Variants in AP1S1 observed in about 807,000 individuals in gnomAD.
AP1S1 encodes AP-1 complex subunit sigma-1A.
Under a neutral mutation model 23.9 loss-of-function variants are expected in AP1S1, and 13 were observed. The observed-to-expected ratio is 0.54, with a 90% confidence interval of 0.35 to 0.86. The LOEUF (loss-of-function observed/expected upper bound fraction) is 0.86, where lower values mean the gene tolerates loss of function less well. Ranked by LOEUF, AP1S1 falls within the 40% of genes least tolerant of loss-of-function variation. AP1S1 has a pLI of 0.01. For missense variants in AP1S1, 119 were observed against 197.6 expected (o/e 0.60, Z 2.38); for synonymous variants, 84 against 77.7 (o/e 1.08, Z -0.43).
In AP1S1 at chr7:101,161,151, G is replaced by C. The variant is rs1338833791; in HGVS notation, c.*585G>C. On this transcript the variant is annotated 3_prime_UTR_variant, in exon 5 of 5. Transcript: ENST00000337619. ...GGAAGGGCAAGCTTTATGGGACCCTGGTCCTGGCCCTGGCCTTTCACTCCA... is the reference window on the plus strand; with the variant it reads ...GGAAGGGCAAGCTTTATGGGACCCTCGTCCTGGCCCTGGCCTTTCACTCCA... The C allele has an allele frequency of 3.8e-6, 1 of 260,742 alleles. No individual in the cohort carries two copies. The highest frequency in any genetic ancestry group is 2.3e-5 in the African/African-American group (1 of 43,328). The allele number at this position is 260,742 out of a possible 1,614,324, so 16.2% of individuals were successfully genotyped here. A position where few individuals can be genotyped will look rare whatever the true frequency, so the allele number is the denominator to read the frequency against.
rs1797100538 is a variant in AP1S1 at position 101,161,164 on chromosome 7, GCC to G, written c.*599_*600del. The G allele has an allele frequency of 4.2e-6, 1 of 240,000 alleles. No individual in the cohort carries two copies. The highest frequency in any genetic ancestry group is 8.2e-6 in the Non-Finnish European group (1 of 121,580). 14.9% of individuals were successfully genotyped at this position (240,000 alleles called of 1,614,324 possible). ...TTATGGGACCCTGGTCCTGGCCCTGGCCTTTCACTCCAGTTCTGGGTGAGGCA... is the reference window on the plus strand; with the variant it reads ...TTATGGGACCCTGGTCCTGGCCCTGGTTTCACTCCAGTTCTGGGTGAGGCA... On this transcript the variant is annotated 3_prime_UTR_variant, in exon 5 of 5. Transcript: ENST00000337619.
At chr7:101,154,810 A>T (rs1456233504) in intron 1 of AP1S1, 2 of 420,890 alleles carry the variant, frequency 4.8e-6, no homozygotes, top group African/African-American at 4.3e-5. Context: ...GGGTCCCTCG[A>T]TCCCCGCTGC....
Position 101,156,777 on chromosome 7 carries a change from C to T in AP1S1, c.182+5C>T. On this transcript the variant is annotated splice_donor_5th_base_variant and intron_variant, in intron 2 of 4. Transcript: ENST00000337619. ...CCTCAAAGTTGTCTATAAGAGGTGA[C>T]TCCCCACCTACTTTCAGACCTGCCT... 6.5e-7 allele frequency: 1 copy of T among 1,538,334 alleles called. No homozygotes were observed. Among genetic ancestry groups the T allele is most frequent in the South Asian group, 1.2e-5 (1 of 81,836 alleles).
At chr7:101,155,412 C>G (rs1796977585) in intron 1 of AP1S1, among the ~76,000 whole-genome samples, 1 of 152,274 alleles carries the variant, frequency 6.6e-6, no homozygotes, top group African/African-American at 2.4e-5. Flanking sequence ...TTCTGTCTTC[C>G]ATCCCACTTG....
At chr7:101,159,405 T>G in intron 4 of AP1S1, 1 of 624,346 alleles carries the variant, frequency 1.6e-6, no homozygotes, top group South Asian at 2.2e-5. Flanking sequence ...AGCCCACCTG[T>G]GCACCCCTCA....
chr7:101,156,857 C>T (rs1796999698), intron 2 of AP1S1, 85 bp downstream of exon 2: 1 of 1,245,562 alleles, frequency 8.0e-7, no homozygotes, highest in Non-Finnish European at 1.1e-6. Context: ...TCCTGTAGGT[C>T]AGGGAGACCT....
chr7:101,159,383 A>G, intron 4 of AP1S1, 187 bp downstream of exon 4: 2 of 800,522 alleles, frequency 2.5e-6, no homozygotes, highest in Non-Finnish European at 3.8e-6. Flanking sequence ...GGTGGGAGGT[A>G]GGGTGGCAGA....
intron 4 of AP1S1, 89 bp from the exon 5 acceptor site, chr7:101,160,430 G>A (rs1328388389): frequency 1.2e-5 from 18 of 1,486,316 alleles, no homozygotes; most frequent in Admixed American, 6.8e-5. Flanking sequence ...TGCCTCCCCC[G>A]TCTGACTCTT....
intron 4 of AP1S1, 150 bp from the exon 5 acceptor site, chr7:101,160,369 C>A: frequency 1.1e-6 from 1 of 940,108 alleles, no homozygotes; most frequent in Non-Finnish European, 1.6e-6. Flanking sequence ...GAAGGGCTCA[C>A]TGGTCCGGCC....
intron 4 of AP1S1, among the ~76,000 whole-genome samples, chr7:101,159,974 ACACCCTGGCGCG>A (rs1392312538): frequency 1.5e-5 from 2 of 131,690 alleles, no homozygotes; most frequent in Admixed American, 7.9e-5. Context: ...GCACACACAC[ACACCCTGGCGCG>A]CACACACACA....
chr7:101,155,470 T>C (rs926188260), intron 1 of AP1S1, among the ~76,000 whole-genome samples: 3 of 152,102 alleles, frequency 2.0e-5, no homozygotes, highest in Non-Finnish European at 4.4e-5. Flanking sequence ...GGGAACCCCC[T>C]GGGTGGCGGG....
In AP1S1 at chr7:101,160,006, A is replaced by ACGCCCTGGCACACACACC. The variant is rs1554366329; in HGVS notation, c.430-512_430-511insGCCCTGGCACACACACCC. ...GGCGCGCACACACACACACACACAC[A>ACGCCCTGGCACACACACC]CATGCCCTGGCACACACACCCATCG... On this transcript the variant is annotated intron_variant, in intron 4 of 4. Coordinates refer to ENST00000337619, the MANE Select transcript of AP1S1 (RefSeq NM_001283.5). Among the ~76,000 whole-genome samples, 819 of 147,534 alleles carry ACGCCCTGGCACACACACC rather than the reference A, an allele frequency of 5.6e-3. 6 individuals carry two copies. The highest frequency in any genetic ancestry group is 9.0e-3 in the Non-Finnish European group (604 of 66,756).
In AP1S1 at chr7:101,160,594, G is replaced by T; in HGVS notation, c.*28G>T. 1 of 1,609,186 alleles carries T rather than the reference G, an allele frequency of 6.2e-7. No homozygotes were observed. Among genetic ancestry groups the T allele is most frequent in the Non-Finnish European group, 8.5e-7 (1 of 1,179,546 alleles). ...CCTGCTGGGCCGGGGTGTGGCGATG[G>T]GGTCCTGGCAGCGTGGCGGGAACGG... On this transcript the variant is annotated 3_prime_UTR_variant, in exon 5 of 5. Transcript: ENST00000337619.
intron 1 of AP1S1, among the ~76,000 whole-genome samples, chr7:101,155,547 TA>T (rs1255648547): frequency 1.3e-5 from 2 of 152,100 alleles, no homozygotes; most frequent in African/African-American, 4.8e-5. Flanking sequence ...GGAGGCACCC[TA>T]AAAGGAAGAA....
chr7:101,159,336 C>A, intron 4 of AP1S1, 140 bp downstream of exon 4: 1 of 1,255,596 alleles, frequency 8.0e-7, no homozygotes, highest in Non-Finnish European at 1.1e-6. Context: ...CCACCACGCC[C>A]AGCTCTCCAG....
chr7:101,154,610 C>T, intron 1 of AP1S1, 93 bp downstream of exon 1: 1 of 1,499,642 alleles, frequency 6.7e-7, no homozygotes, highest in Non-Finnish European at 8.9e-7. Context: ...GTGAACCGCC[C>T]TGTCTTCCCT....
At chr7:101,156,979 G>A (rs931750903) in intron 2 of AP1S1, among the ~76,000 whole-genome samples, 1 of 145,176 alleles carries the variant, frequency 6.9e-6, no homozygotes, top group African/African-American at 2.6e-5. Flanking sequence ...TTTTGCTCAC[G>A]TGCAACACCT....
intron 3 of AP1S1, among the ~76,000 whole-genome samples, chr7:101,158,775 C>T (rs573610054): frequency 1.3e-5 from 2 of 152,280 alleles, no homozygotes; most frequent in Non-Finnish European, 2.9e-5. Flanking sequence ...TGATAGCATG[C>T]ACCTGTAGTC....
At position 101,160,706 on chromosome 7, in the gene AP1S1, C is replaced by T. The variant is rs1479097974; in HGVS notation, c.*140C>T. 1 of 1,002,208 alleles carries T rather than the reference C, an allele frequency of 1.0e-6. No individual in the cohort carries two copies. The highest frequency in any genetic ancestry group is 1.5e-6 in the Non-Finnish European group (1 of 651,920). 62.1% of individuals were successfully genotyped at this position (1,002,208 alleles called of 1,614,324 possible). A position where few individuals can be genotyped will look rare whatever the true frequency, so the allele number is the denominator to read the frequency against. On this transcript the variant is annotated 3_prime_UTR_variant, in exon 5 of 5. Coordinates refer to ENST00000337619, the MANE Select transcript of AP1S1 (RefSeq NM_001283.5). Reference sequence around the variant, plus strand: ...CTCACCTTTCGGAGTGAGCTGTGGGCTCAGGCCCTTCAAACATTCCCTCCC... The same window carrying T: ...CTCACCTTTCGGAGTGAGCTGTGGGTTCAGGCCCTTCAAACATTCCCTCCC...
Sources: gnomAD v4.1 joint callset for allele counts (sites outside exome capture counted in the v4.1 genomes callset) on GRCh38, gnomAD v4.1.1 for gene constraint, MANE v1.5 for transcripts, NCBI Gene and HGNC (gene_info 2026-07-23, HGNC 2026-07-21) for gene names.